Variants in GRM7 observed in about 807,000 individuals in gnomAD.
GRM7 encodes the protein glutamate metabotropic receptor 7, also known as metabotropic glutamate receptor 7.
GRM7 carries 35 observed loss-of-function variants against 84.5 expected under a neutral mutation model. That is an observed-to-expected ratio of 0.41 (90% CI 0.32 to 0.55). GRM7 has a LOEUF of 0.55. GRM7 is among the 20% of genes least tolerant of loss of function. The probability of loss-of-function intolerance (pLI) is 0.19; values close to 1 mark genes in which losing one functional copy is unlikely to be tolerated. For missense variants in GRM7, 1,003 were observed against 1,194.6 expected, an observed-to-expected ratio of 0.84 and a Z score of 2.36; for synonymous variants, 487 against 455.1, an observed-to-expected ratio of 1.07 and a Z score of -0.89.
chr3:7,278,472 T>C (rs1699148708), intron 2 of GRM7, among the ~76,000 whole-genome samples: 1 of 152,160 alleles, frequency 6.6e-6, no homozygotes, highest in Admixed American at 6.5e-5. Flanking sequence ...TTCATGTTCT[T>C]ATCCTTAAGA....
chr3:7,692,973 CTTTCTT>C (rs1700864266), intron 9 of GRM7, among the ~76,000 whole-genome samples: 1 of 150,142 alleles, frequency 6.7e-6, no homozygotes, highest in Non-Finnish European at 1.5e-5. Flanking sequence ...ATCTTTCTTT[CTTTCTT>C]TTTTTTTTTT....
chr3:7,255,809 T>G (rs1272210648), intron 2 of GRM7, among the ~76,000 whole-genome samples: 1 of 152,224 alleles, frequency 6.6e-6, no homozygotes, highest in Non-Finnish European at 1.5e-5. Flanking sequence ...AGCAATAACA[T>G]GTCATACTCA....
intron 1 of GRM7, among the ~76,000 whole-genome samples, chr3:6,949,880 T>C (rs181442297): frequency 1.3e-5 from 2 of 152,370 alleles, no homozygotes; most frequent in Admixed American, 1.3e-4. Flanking sequence ...TGTCATGTAG[T>C]TCTTGTGCCG....
chr3:7,331,862 A>G (rs528658905), intron 4 of GRM7, among the ~76,000 whole-genome samples: 8 of 152,284 alleles, frequency 5.3e-5, no homozygotes, highest in Non-Finnish European at 8.8e-5. Context: ...AATGTCAATT[A>G]TATTTTTTAA....
intron 1 of GRM7, among the ~76,000 whole-genome samples, chr3:6,990,601 A>T (rs1694598308): frequency 1.3e-5 from 2 of 152,096 alleles, no homozygotes; most frequent in African/African-American, 4.8e-5. Flanking sequence ...TGAATTTTTA[A>T]CAAATGCTGG....
At chr3:6,869,384 A>G (rs1695038196) in intron 1 of GRM7, among the ~76,000 whole-genome samples, 1 of 152,198 alleles carries the variant, frequency 6.6e-6, no homozygotes, top group African/African-American at 2.4e-5. Flanking sequence ...TGAGATTAGC[A>G]TGTTTAATAC....
intron 4 of GRM7, among the ~76,000 whole-genome samples, chr3:7,317,197 T>C (rs1700613993): frequency 6.6e-6 from 1 of 152,064 alleles, no homozygotes; most frequent in African/African-American, 2.4e-5. Flanking sequence ...TCTGGTGAAG[T>C]GAATACAAAA....
At chr3:7,309,288 G>A (rs1223280918) in intron 4 of GRM7, among the ~76,000 whole-genome samples, 1 of 152,016 alleles carries the variant, frequency 6.6e-6, no homozygotes, top group East Asian at 1.9e-4. Flanking sequence ...CAAAGCTTCT[G>A]AACAAAACTA....
chr3:7,369,919 A>T (rs192236195), intron 4 of GRM7, among the ~76,000 whole-genome samples: 11 of 152,198 alleles, frequency 7.2e-5, no homozygotes, highest in Admixed American at 7.2e-4. Flanking sequence ...TTTTTCTTCT[A>T]TTCCGATCTA....
intron 7 of GRM7, among the ~76,000 whole-genome samples, chr3:7,478,494 C>A (rs1035423345): frequency 2.0e-5 from 3 of 152,170 alleles, no homozygotes; most frequent in Admixed American, 2.0e-4. Context: ...CAGCAAATAT[C>A]TTTGCTAGTC....
chr3:6,993,220 C>T (rs371585728), intron 1 of GRM7, among the ~76,000 whole-genome samples: 27 of 152,192 alleles, frequency 1.8e-4, no homozygotes, highest in African/African-American at 6.5e-4. Flanking sequence ...GGGAAACGGC[C>T]CTCATGATTC....
chr3:7,586,475 G>A (rs1306009904), intron 8 of GRM7, among the ~76,000 whole-genome samples: 1 of 152,010 alleles, frequency 6.6e-6, no homozygotes, highest in African/African-American at 2.4e-5. Context: ...AAACTGGGGT[G>A]GGTTTATCTA....
intron 2 of GRM7, among the ~76,000 whole-genome samples, chr3:7,254,069 T>C (rs1184944085): frequency 6.6e-6 from 1 of 152,150 alleles, no homozygotes; most frequent in Non-Finnish European, 1.5e-5. Context: ...GTATCTTCTT[T>C]ATACATCAGG....
chr3:7,739,628 G>A (rs1702623566), intron 9 of GRM7, among the ~76,000 whole-genome samples: 1 of 152,138 alleles, frequency 6.6e-6, no homozygotes, highest in African/African-American at 2.4e-5. Flanking sequence ...GTGCTCATTG[G>A]CTGGTCTTCA....
chr3:7,137,569 T>C (rs73122338), intron 1 of GRM7, among the ~76,000 whole-genome samples: 2,879 of 152,104 alleles, frequency 0.019, 95 homozygotes, highest in African/African-American at 0.066. Flanking sequence ...TTGAGAGAAA[T>C]AATTGGAGAG....
intron 4 of GRM7, among the ~76,000 whole-genome samples, chr3:7,331,956 TAAAG>T (rs1331048950): frequency 6.6e-6 from 1 of 152,092 alleles, no homozygotes; most frequent in African/African-American, 2.4e-5. Flanking sequence ...TGTTGAAACT[TAAAG>T]GAGGTGAGAG....
chr3:7,411,127 C>T (rs961493899), intron 4 of GRM7, among the ~76,000 whole-genome samples: 1 of 152,174 alleles, frequency 6.6e-6, no homozygotes, highest in Non-Finnish European at 1.5e-5. Context: ...CTTATAAGGA[C>T]TCTTGTCATT....
In GRM7 at chr3:7,026,932, G is replaced by T. The variant is rs74668910; in HGVS notation, c.520-119520G>T. Among the ~76,000 whole-genome samples the T allele has an allele frequency of 4.8e-4, 73 of 152,200 alleles. 1 individual carries two copies. In the East Asian group the frequency reaches 0.013, roughly 27 times the overall value. On this transcript the variant is annotated intron_variant, in intron 1 of 9. Coordinates refer to ENST00000357716, the MANE Select transcript of GRM7 (RefSeq NM_000844.4). ...TCTGTTCCATTACCAAATTTCTGGCGCTGGCCAATCAACTCATCTTCTCCT... is the reference window on the plus strand; with the variant it reads ...TCTGTTCCATTACCAAATTTCTGGCTCTGGCCAATCAACTCATCTTCTCCT...
chr3:6,861,864 G>T lies in GRM7; in HGVS notation c.476G>T (p.Ser159Ile). ...GTTGGAGTGATTGGGGCTTCGGGGA[G>T]TTCGGTCTCCATCATGGTAGCCAAC... ...KVVGVIGASG[S>I]SVSIMVANIL... The change falls in exon 1 of 10, where the codon AGT becomes ATT. Residue 159 changes from serine to isoleucine, a missense_variant. Physicochemically the swap from Ser to Ile is moderately radical, Grantham distance 142 (BLOSUM62 -2). Coordinates refer to ENST00000357716, the MANE Select transcript of GRM7 (RefSeq NM_000844.4). This position sits in a 1 kb window ranked among gnomAD's most constrained non-coding sequence, Gnocchi z 6.4. 1.2e-6 allele frequency: 2 copies of T among 1,613,924 alleles called. No homozygotes were observed. Among genetic ancestry groups the T allele is most frequent in the Non-Finnish European group, 1.7e-6 (2 of 1,179,914 alleles).
Sources: gnomAD v4.1 joint callset for allele counts (sites outside exome capture counted in the v4.1 genomes callset) on GRCh38, gnomAD v4.1.1 for gene constraint, Gnocchi (gnomAD v3.1) non-coding constraint, MANE v1.5 for transcripts, NCBI Gene and HGNC (gene_info 2026-07-23, HGNC 2026-07-21) for gene names.